The following LRP2 variants were observed in gnomAD, a reference collection of about 807,000 sequenced individuals.
LRP2 encodes the protein low-density lipoprotein receptor-related protein 2.
LRP2 carries 172 observed loss-of-function variants against 531.0 expected under a neutral mutation model. The observed-to-expected ratio is 0.32, with a 90% CI of 0.29 to 0.37. The LOEUF (loss-of-function observed/expected upper bound fraction) is 0.37, where lower values mean the gene tolerates loss of function less well. Ranked by LOEUF, LRP2 falls within the 10% of genes least tolerant of loss-of-function variation. The probability of loss-of-function intolerance (pLI) is 1.00; values close to 1 mark genes in which losing one functional copy is unlikely to be tolerated. For synonymous variants in LRP2, 1,992 were observed against 2,027.6 expected (o/e 0.98, Z 0.47); for missense variants, 5,167 against 5,868.3 (o/e 0.88, Z 3.90).
intron 62 of LRP2, among the ~76,000 whole-genome samples, chr2:169,164,226 T>A (rs1686694521): frequency 6.6e-6 from 1 of 152,214 alleles, no homozygotes; most frequent in Non-Finnish European, 1.5e-5. Context: ...CGCCAATACC[T>A]ATCAGGCACA....
At chr2:169,176,819 C>G (rs1687212742) in intron 53 of LRP2, among the ~76,000 whole-genome samples, 1 of 152,160 alleles carries the variant, frequency 6.6e-6, no homozygotes, top group South Asian at 2.1e-4. Context: ...GTGAGCTATA[C>G]CCACTGGTGT....
chr2:169,309,079 T>C (rs938784947), intron 3 of LRP2, among the ~76,000 whole-genome samples: 7 of 152,214 alleles, frequency 4.6e-5, no homozygotes, highest in Admixed American at 2.6e-4. Flanking sequence ...TGTTTGTTTT[T>C]TTCTTGTACA....
intron 64 of LRP2, 21 bp downstream of exon 64, chr2:169,157,350 A>T: frequency 6.2e-7 from 1 of 1,612,204 alleles, no homozygotes. Context: ...CTAAACAGGA[A>T]TTGGAAAAAA....
intron 16 of LRP2, among the ~76,000 whole-genome samples, chr2:169,270,614 G>C (rs1683381886): frequency 7.6e-6 from 1 of 132,144 alleles, no homozygotes; most frequent in African/African-American, 2.7e-5. Flanking sequence ...CGTGGGGTGG[G>C]GGGAGGGGGA....
chr2:169,147,546 G>T (rs1685962061), intron 68 of LRP2, among the ~76,000 whole-genome samples: 1 of 152,034 alleles, frequency 6.6e-6, no homozygotes, highest in South Asian at 2.1e-4. Context: ...TGAACTCCTG[G>T]ACTCAAGCAA....
Position 169,154,440 on chromosome 2 carries a change from A to T in LRP2, c.12295+20T>A, listed in dbSNP as rs1460636335. 5 of 1,607,250 alleles carry T rather than the reference A, an allele frequency of 3.1e-6. No homozygotes were observed. The highest frequency in any genetic ancestry group is 3.4e-6 in the Non-Finnish European group (4 of 1,173,944). ...TAAAGTCACTTAATATCAATGAAAG[A>T]TGCCAAAGTTTATACTCACTGAGGC... On this transcript the variant is annotated intron_variant, in intron 66 of 78. Transcript: ENST00000649046.
intron 1 of LRP2, among the ~76,000 whole-genome samples, chr2:169,326,225 C>T (rs1408606656): frequency 7.9e-6 from 1 of 126,218 alleles, no homozygotes; most frequent in Admixed American, 8.1e-5. Context: ...CCCTCTCGGT[C>T]TCCCTCTCCC....
At chr2:169,208,191 T>C (rs1230730857) in intron 38 of LRP2, among the ~76,000 whole-genome samples, 7 of 152,296 alleles carry the variant, frequency 4.6e-5, no homozygotes, top group Non-Finnish European at 8.8e-5. Context: ...AAAGCAGCCA[T>C]AGACAATACA....
chr2:169,248,644 G>C lies in LRP2; in HGVS notation c.2771-1129C>G, dbSNP rs567146545. Reference sequence around the variant, plus strand: ...GTTGAGGGGAGGAGCCAAGATGGCCGAATAGGAACAGCTCCGGTCTACAGC... The same window carrying C: ...GTTGAGGGGAGGAGCCAAGATGGCCCAATAGGAACAGCTCCGGTCTACAGC... On this transcript the variant is annotated intron_variant, in intron 19 of 78. Transcript: ENST00000649046. Among the ~76,000 whole-genome samples, 5 of 124,000 alleles carry C rather than the reference G, an allele frequency of 4.0e-5. 1 individual carries two copies. The highest frequency in any genetic ancestry group is 2.3e-4 in the South Asian group (1 of 4,388). The allele number at this position is 124,000 out of a possible 152,430, so 81.3% of individuals were successfully genotyped here.
chr2:169,191,826 A>C lies in LRP2; in HGVS notation c.9032+6T>G, dbSNP rs368040043. On this transcript the variant is annotated splice_donor_region_variant and intron_variant, in intron 48 of 78. Transcript: ENST00000649046. ...ATGCTGGGTAACTTCTGAATCCTCA[A>C]TTCACCTGAATATCTTTGGGATACA... 3.2e-5 allele frequency: 51 copies of C among 1,613,690 alleles called. No individual in the cohort carries two copies. The highest frequency in any genetic ancestry group is 4.1e-5 in the Non-Finnish European group (48 of 1,179,774).
Position 169,256,136 on chromosome 2 carries a change from T to A in LRP2, c.2740A>T (p.Thr914Ser), listed in dbSNP as rs1187511823. 1 of 1,613,060 alleles carries A rather than the reference T, an allele frequency of 6.2e-7. No individual in the cohort carries two copies. The highest frequency in any genetic ancestry group is 1.1e-5 in the South Asian group (1 of 91,056). Residue 914 changes from threonine (T) to serine (S), a missense_variant, in exon 19 of 79, where the codon ACA (threonine) becomes TCA (serine). Physicochemically the swap from Thr to Ser is moderately conservative, Grantham distance 58. Coordinates refer to ENST00000649046, the MANE Select transcript of LRP2 (RefSeq NM_004525.3). ...AAGATGGCAAGTCCAAACGGATGTG[T>A]CATCTGCTCTATATGGCCCAGTCTT... The part of the protein sequence containing the change: ...RRRLGHIEQM[T>S]HPFGLAIFGE...
intron 15 of LRP2, among the ~76,000 whole-genome samples, chr2:169,271,445 A>T (rs749222734): frequency 6.6e-6 from 1 of 152,106 alleles, no homozygotes; most frequent in Non-Finnish European, 1.5e-5. Flanking sequence ...GCACACCAAC[A>T]TGGCACATGT....
Position 169,212,169 on chromosome 2 carries a change from T to G in LRP2, c.6079A>C (p.Asn2027His). ...GGCAGGCAAATCTGCTGACAGGCAT[T>G]CATGTTGTTGCTACAGCCATTTGAG... is the stretch of plus-strand genomic sequence containing the variant. Reference protein sequence around the residue: ...ESSNGCSNNMNACQQICLPVP... With the variant: ...ESSNGCSNNMHACQQICLPVP... The change falls in exon 37 of 79, where the codon AAT becomes CAT. Residue 2027 changes from asparagine (N) to histidine (H), a missense_variant. Around this residue, in one of 6 missense-constraint regions of LRP2, gnomAD observed 2,811 missense variants for 3,058.0 expected, o/e 0.92. Transcript: ENST00000649046. 2 of 1,614,068 alleles carry G rather than the reference T, an allele frequency of 1.2e-6. No homozygotes were observed. Among genetic ancestry groups the G allele is most frequent in the Non-Finnish European group, 1.7e-6 (2 of 1,179,936 alleles).
In LRP2 at chr2:169,258,720, C is replaced by T. The variant is rs368470010; in HGVS notation, c.2513+305G>A. Among the ~76,000 whole-genome samples, 93 of 152,114 alleles carry T rather than the reference C, an allele frequency of 6.1e-4. 1 individual carries two copies. The highest frequency in any genetic ancestry group is 2.1e-3 in the African/African-American group (88 of 41,534). The stretch of plus-strand genomic sequence containing the variant: ...TTTCCTGTTAATTCTGTTGCCTATT[C>T]ACTCCTTTTCTACTGAATCTATATC... On this transcript the variant is annotated intron_variant, in intron 17 of 78. Transcript: ENST00000649046.
At chr2:169,131,415 A>G (rs1300187403) in intron 77 of LRP2, among the ~76,000 whole-genome samples, 5 of 152,310 alleles carry the variant, frequency 3.3e-5, no homozygotes, top group African/African-American at 1.2e-4. Context: ...CCAATGTTTA[A>G]GGTGATAATG....
At chr2:169,184,886 G>A (rs2105300292) in intron 50 of LRP2, among the ~76,000 whole-genome samples, 1 of 152,100 alleles carries the variant, frequency 6.6e-6, no homozygotes, top group South Asian at 2.1e-4. Context: ...TCAGCCTCAT[G>A]AGTAGCTGGG....
At chr2:169,292,212 G>A in intron 7 of LRP2, 41 bp downstream of exon 7, 3 of 1,405,628 alleles carry the variant, frequency 2.1e-6, no homozygotes, top group South Asian at 1.2e-5. Flanking sequence ...GAAAACACTT[G>A]AAGAAAATGC....
intron 23 of LRP2, 52 bp downstream of exon 23, chr2:169,243,351 T>G: frequency 2.8e-5 from 45 of 1,607,438 alleles, no homozygotes; most frequent in African/African-American, 5.3e-5. Context: ...GTGTTAACAC[T>G]GAGATTTTTC....
intron 18 of LRP2, among the ~76,000 whole-genome samples, chr2:169,256,602 T>C (rs907486644): frequency 2.6e-5 from 4 of 152,146 alleles, no homozygotes; most frequent in African/African-American, 9.7e-5. Flanking sequence ...GCATTTCATC[T>C]TTATAAGCTT....
Sources: allele counts gnomAD v4.1 joint callset (sites outside exome capture counted in the v4.1 genomes callset), GRCh38; gene constraint gnomAD v4.1.1; regional missense constraint gnomAD v4.1.1; transcripts MANE v1.5; gene names NCBI Gene and HGNC (gene_info 2026-07-23, HGNC 2026-07-21).